The following KCNH1 variants were observed in gnomAD, a reference collection of about 807,000 sequenced individuals.
The protein encoded by KCNH1 is potassium voltage-gated channel subfamily H member 1.
KCNH1 carries 27 observed loss-of-function variants against 69.2 expected under a neutral mutation model. That is an observed-to-expected ratio of 0.39 (90% CI 0.29 to 0.54). KCNH1 has a LOEUF of 0.54. KCNH1 is among the 20% of genes least tolerant of loss of function. KCNH1 has a pLI of 0.68. For synonymous variants in KCNH1, 456 were observed against 487.7 expected (o/e 0.93, Z 0.86); for missense variants, 798 against 1,261.6 (o/e 0.63, Z 5.57).
At chr1:210,738,121 T>C (rs778040286) in intron 10 of KCNH1, among the ~76,000 whole-genome samples, 8 of 152,246 alleles carry the variant, frequency 5.3e-5, no homozygotes, top group African/African-American at 7.2e-5. Context: ...CCCGCAACCA[T>C]ATTGGTCTCT....
At chr1:210,888,668 TAAAG>T (rs1446222359) in intron 7 of KCNH1, among the ~76,000 whole-genome samples, 3 of 151,492 alleles carry the variant, frequency 2.0e-5, no homozygotes, top group African/African-American at 7.3e-5. Flanking sequence ...GCCAGACTAA[TAAAG>T]AAGAAAAGAG....
chr1:210,822,160 C>A (rs1684942569), intron 7 of KCNH1, among the ~76,000 whole-genome samples: 1 of 151,976 alleles, frequency 6.6e-6, no homozygotes, highest in African/African-American at 2.4e-5. Context: ...CCAGTCTAGA[C>A]TGGGGTGATG....
At chr1:210,958,958 C>T (rs9662051) in intron 6 of KCNH1, among the ~76,000 whole-genome samples, 50,522 of 152,086 alleles carry the variant, frequency 0.33, 8,832 homozygotes, top group Non-Finnish European at 0.38. Context: ...CCATTTCTGG[C>T]GAGGAGCTGC....
intron 10 of KCNH1, among the ~76,000 whole-genome samples, chr1:210,714,925 A>G (rs1682187314): frequency 6.6e-6 from 1 of 152,162 alleles, no homozygotes; most frequent in South Asian, 2.1e-4. Flanking sequence ...CTGGATGTTT[A>G]GAGATGTACA....
At position 210,839,683 on chromosome 1, in the gene KCNH1, G is replaced by T. The variant is rs72755511; in HGVS notation, c.1463-35517C>A. Among the ~76,000 whole-genome samples the T allele has an allele frequency of 5.5e-3, 837 of 152,262 alleles. 7 individuals are homozygous for T. The highest frequency in any genetic ancestry group is 9.6e-3 in the Non-Finnish European group (656 of 68,016). ...CCTTTTTGAGATTATACTAGGGAAA[G>T]TTCCCTGAGGGCTACAGGACAGAAG... is the stretch of plus-strand genomic sequence containing the variant. On this transcript the variant is annotated intron_variant, in intron 7 of 10. Transcript: ENST00000271751.
intron 7 of KCNH1, among the ~76,000 whole-genome samples, chr1:210,913,025 A>G (rs1558522774): frequency 6.6e-6 from 1 of 152,258 alleles, no homozygotes; most frequent in Non-Finnish European, 1.5e-5. Context: ...GCATGAAGTG[A>G]CAGAGGGTTA....
chr1:211,023,336 C>T (rs571598517), intron 5 of KCNH1, among the ~76,000 whole-genome samples: 27 of 151,726 alleles, frequency 1.8e-4, no homozygotes, highest in Admixed American at 1.3e-4. Flanking sequence ...AAGGAAAGAG[C>T]TATTGGCACT....
intron 5 of KCNH1, among the ~76,000 whole-genome samples, chr1:211,078,061 A>G (rs1690770492): frequency 6.6e-6 from 1 of 152,234 alleles, no homozygotes; most frequent in Non-Finnish European, 1.5e-5. Flanking sequence ...TTCAATAAGA[A>G]GAGCTAACTA....
At chr1:210,890,809 A>G (rs963465945) in intron 7 of KCNH1, among the ~76,000 whole-genome samples, 2 of 152,252 alleles carry the variant, frequency 1.3e-5, no homozygotes, top group African/African-American at 4.8e-5. Flanking sequence ...ATCAGTGGTC[A>G]CTAGAGAAAT....
intron 7 of KCNH1, among the ~76,000 whole-genome samples, chr1:210,905,765 C>G (rs1303063088): frequency 6.6e-6 from 1 of 152,064 alleles, no homozygotes; most frequent in African/African-American, 2.4e-5. Context: ...AATGTAAGCT[C>G]TGTTTCTTCC....
chr1:210,861,068 C>T (rs1685967992), intron 7 of KCNH1: 2 of 924,192 alleles, frequency 2.2e-6, no homozygotes, highest in Admixed American at 3.5e-5. Flanking sequence ...TACCTCCTTC[C>T]TCTTACTATG....
chr1:210,729,632 A>G (rs1161846527), intron 10 of KCNH1, among the ~76,000 whole-genome samples: 1 of 152,252 alleles, frequency 6.6e-6, no homozygotes, highest in African/African-American at 2.4e-5. Flanking sequence ...TGTCATTAGT[A>G]ATAAATTACT....
intron 5 of KCNH1, among the ~76,000 whole-genome samples, chr1:211,061,673 G>A (rs1690435425): frequency 6.6e-6 from 1 of 151,958 alleles, no homozygotes; most frequent in Non-Finnish European, 1.5e-5. Flanking sequence ...TATATACCAA[G>A]AGCAAACAAT....
At chr1:210,983,116 TGTTTG>T (rs1186728445) in intron 6 of KCNH1, among the ~76,000 whole-genome samples, 14 of 69,340 alleles carry the variant, frequency 2.0e-4, no homozygotes, top group Admixed American at 1.3e-3. Flanking sequence ...TTGATGGGGT[TGTTTG>T]TTTTTTTCTT....
intron 6 of KCNH1, among the ~76,000 whole-genome samples, chr1:211,005,745 C>A (rs1394490559): frequency 6.6e-6 from 1 of 151,984 alleles, no homozygotes; most frequent in African/African-American, 2.4e-5. Context: ...TGATATATTT[C>A]TCTAAATTAA....
intron 7 of KCNH1, among the ~76,000 whole-genome samples, chr1:210,813,148 C>T (rs1684741795): frequency 6.6e-6 from 1 of 152,202 alleles, no homozygotes; most frequent in Admixed American, 6.5e-5. Context: ...AGTCAACTAT[C>T]ATGACAGTTG....
chr1:210,892,805 G>A (rs543327860), intron 7 of KCNH1, among the ~76,000 whole-genome samples: 13 of 152,312 alleles, frequency 8.5e-5, no homozygotes, highest in Non-Finnish European at 1.8e-4. Context: ...CCACTGCCAT[G>A]TCTTAATTCA....
chr1:210,955,783 C>T (rs969395197), intron 6 of KCNH1, among the ~76,000 whole-genome samples: 4 of 152,148 alleles, frequency 2.6e-5, no homozygotes, highest in South Asian at 2.1e-4. Context: ...AGTTGCTTAT[C>T]GGCTTAAGGA....
chr1:211,038,639 A>ACC (rs1162391270), intron 5 of KCNH1, among the ~76,000 whole-genome samples: 1 of 152,136 alleles, frequency 6.6e-6, no homozygotes, highest in African/African-American at 2.4e-5. Context: ...TCAGGTGGAG[A>ACC]TGAGGAACTT....
Sources: allele counts gnomAD v4.1 joint callset (sites outside exome capture counted in the v4.1 genomes callset), GRCh38; gene constraint gnomAD v4.1.1; transcripts MANE v1.5; gene names NCBI Gene and HGNC (gene_info 2026-07-23, HGNC 2026-07-21).